The following DIP2B variants were observed in gnomAD, a reference collection of about 807,000 sequenced individuals.
DIP2B encodes DIP2 acetate--CoA ligase B (putative).
In DIP2B, 76 loss-of-function variants were observed where a neutral mutation model predicts 198.0. The observed-to-expected ratio is 0.38, with a 90% CI of 0.32 to 0.46. DIP2B has a LOEUF of 0.46. DIP2B is among the 20% of genes least tolerant of loss of function. The pLI, the probability that DIP2B is intolerant of heterozygous loss-of-function variation, is 0.99. For synonymous variants in DIP2B, 701 were observed against 739.1 expected, an observed-to-expected ratio of 0.95 and a Z score of 0.84; for missense variants, 1,559 against 1,978.4, an observed-to-expected ratio of 0.79 and a Z score of 4.02.
intron 1 of DIP2B, among the ~76,000 whole-genome samples, chr12:50,507,374 A>G (rs1441415948): frequency 1.3e-5 from 2 of 152,224 alleles, no homozygotes; most frequent in Non-Finnish European, 2.9e-5. Context: ...AGAAGTGGAT[A>G]GACATTAGGA....
chr12:50,648,664 CCTTTT>C (rs1565858041), intron 3 of DIP2B, among the ~76,000 whole-genome samples: 6 of 140,474 alleles, frequency 4.3e-5, no homozygotes, highest in Middle Eastern at 3.8e-3. Context: ...CGCCCAGCCC[CCTTTT>C]TTTTTTTTTT....
chr12:50,689,255 C>T (rs912740979), intron 12 of DIP2B, among the ~76,000 whole-genome samples: 3 of 151,822 alleles, frequency 2.0e-5, no homozygotes, highest in African/African-American at 2.4e-5. Context: ...AAAAATTAAC[C>T]GGGTGTGGTG....
rs756440488 is a variant in DIP2B at position 50,693,012 on chromosome 12, C to T, written c.1718C>T (p.Ala573Val). The T allele has an allele frequency of 4.5e-5, 72 of 1,610,160 alleles. No individual in the cohort carries two copies. Among genetic ancestry groups the T allele is most frequent in the Non-Finnish European group, 6.1e-5 (72 of 1,179,016 alleles). Reference sequence around the variant, plus strand: ...GCTGGGCTGTGGCACGGCATGTTTGCGGTAAGCTACTCAGATTTAAGGCCC... The same window carrying T: ...GCTGGGCTGTGGCACGGCATGTTTGTGGTAAGCTACTCAGATTTAAGGCCC... The part of the protein sequence containing the change: ...KDAGLWHGMF[A>V]NVMNKMHTIS... Residue 573 changes from alanine (A) to valine (V), a missense_variant and splice_region_variant, in exon 14 of 38, where the codon GCG (alanine) becomes GTG (valine). Transcript: ENST00000301180.
intron 1 of DIP2B, among the ~76,000 whole-genome samples, chr12:50,544,442 G>A (rs1339307856): frequency 1.3e-5 from 2 of 152,040 alleles, no homozygotes; most frequent in Non-Finnish European, 2.9e-5. Context: ...AAATAGCTGG[G>A]ATTGCAGGTG....
chr12:50,662,509 G>A (rs892731383), intron 4 of DIP2B, among the ~76,000 whole-genome samples: 1 of 152,160 alleles, frequency 6.6e-6, no homozygotes, highest in Non-Finnish European at 1.5e-5. Context: ...TCATTTTAGG[G>A]AGTAGAATTT....
chr12:50,599,349 C>G (rs1468693881), intron 1 of DIP2B, among the ~76,000 whole-genome samples: 3 of 151,702 alleles, frequency 2.0e-5, no homozygotes, highest in African/African-American at 7.3e-5. Flanking sequence ...AGCACGGTGG[C>G]TCACGCCTGT....
intron 1 of DIP2B, among the ~76,000 whole-genome samples, chr12:50,559,084 T>C (rs1958495408): frequency 6.6e-6 from 1 of 152,148 alleles, no homozygotes; most frequent in Admixed American, 6.5e-5. Flanking sequence ...TATATAATTC[T>C]TTCCATACCC....
chr12:50,592,348 A>AT (rs894422472), intron 1 of DIP2B, among the ~76,000 whole-genome samples: 18 of 148,920 alleles, frequency 1.2e-4, no homozygotes, highest in African/African-American at 4.2e-4. Context: ...CTAATTTTTA[A>AT]TTTTTTTTGT....
intron 1 of DIP2B, among the ~76,000 whole-genome samples, chr12:50,618,228 C>T (rs538163948): frequency 2.0e-5 from 3 of 152,198 alleles, no homozygotes; most frequent in Admixed American, 1.3e-4. Context: ...TTATATAGTG[C>T]CATTTTTTGA....
At chr12:50,711,277 G>C (rs1394213932) in intron 22 of DIP2B, among the ~76,000 whole-genome samples, 3 of 152,186 alleles carry the variant, frequency 2.0e-5, no homozygotes, top group African/African-American at 7.2e-5. Flanking sequence ...AAAGGCCAGA[G>C]GTTGTTGAAT....
At chr12:50,534,487 C>T (rs1958246726) in intron 1 of DIP2B, among the ~76,000 whole-genome samples, 1 of 150,772 alleles carries the variant, frequency 6.6e-6, no homozygotes, top group Non-Finnish European at 1.5e-5. Flanking sequence ...ATTCTTCTGC[C>T]TCAGCCTCCT....
chr12:50,663,505 G>A (rs1434441100), intron 4 of DIP2B, among the ~76,000 whole-genome samples: 2 of 151,842 alleles, frequency 1.3e-5, no homozygotes, highest in Non-Finnish European at 1.5e-5. Context: ...GCAGTGAGCC[G>A]AGACCGCGCC....
intron 9 of DIP2B, among the ~76,000 whole-genome samples, chr12:50,682,345 G>A (rs192393028): frequency 1.3e-5 from 2 of 152,320 alleles, no homozygotes; most frequent in Admixed American, 6.5e-5. Context: ...AAGAAAACTG[G>A]CCGGGTGGGG....
intron 1 of DIP2B, among the ~76,000 whole-genome samples, chr12:50,593,508 CAA>C (rs898713276): frequency 1.5e-5 from 2 of 130,810 alleles, no homozygotes. Context: ...TGTCTCAAAA[CAA>C]AAAAAAAAAA....
chr12:50,558,057 C>T (rs906060455), intron 1 of DIP2B, among the ~76,000 whole-genome samples: 1 of 150,652 alleles, frequency 6.6e-6, no homozygotes, highest in Non-Finnish European at 1.5e-5. Flanking sequence ...AATGTCAACA[C>T]AATGCAATAT....
Position 50,675,410 on chromosome 12 carries a change from A to G in DIP2B, c.878A>G (p.Lys293Arg). The G allele has an allele frequency of 6.2e-7, 1 of 1,614,000 alleles. No homozygotes were observed. Among genetic ancestry groups the G allele is most frequent in the Non-Finnish European group, 8.5e-7 (1 of 1,179,918 alleles). Reference sequence around the variant, plus strand: ...AAACGACCCAAAAGGCCTCCCTTAAAGGAATTTTTTGTGGATGACTCTGAA... The same window carrying G: ...AAACGACCCAAAAGGCCTCCCTTAAGGGAATTTTTTGTGGATGACTCTGAA... ...TLKRPKRPPL[K>R]EFFVDDSEEI... is the part of the protein sequence containing the mutation. Residue 293 changes from lysine to arginine, a missense_variant, in exon 7 of 38, where the codon AAG (lysine) becomes AGG (arginine). Transcript: ENST00000301180.
chr12:50,718,683 G>C, intron 23 of DIP2B, 26 bp from the exon 24 acceptor site: 1 of 1,600,900 alleles, frequency 6.2e-7, no homozygotes. Context: ...CATCTCCAGT[G>C]AGTTGGGTTT....
At chr12:50,677,853 A>G (rs1938974292) in intron 7 of DIP2B, among the ~76,000 whole-genome samples, 1 of 151,920 alleles carries the variant, frequency 6.6e-6, no homozygotes, top group Admixed American at 6.6e-5. Flanking sequence ...ACAGCCAGTA[A>G]GGGGAGTAAG....
intron 14 of DIP2B, 62 bp downstream of exon 14, chr12:50,693,075 G>T: frequency 6.8e-7 from 1 of 1,467,192 alleles, no homozygotes; most frequent in Non-Finnish European, 9.3e-7. Flanking sequence ...CCAGCATGTT[G>T]TATAACTGGA....
Sources: gnomAD v4.1 joint callset for allele counts (sites outside exome capture counted in the v4.1 genomes callset) on GRCh38, gnomAD v4.1.1 for gene constraint, MANE v1.5 for transcripts, NCBI Gene and HGNC (gene_info 2026-07-23, HGNC 2026-07-21) for gene names.